Variants in FMO1 observed in about 807,000 individuals in gnomAD.
FMO1 encodes the protein flavin containing dimethylaniline monoxygenase 1.
A neutral mutation model predicts 45.4 loss-of-function variants in FMO1; 36 were observed. That is an observed-to-expected ratio of 0.79 (90% confidence interval 0.61 to 1.05). FMO1 has a LOEUF of 1.05. Ranked by LOEUF, FMO1 falls within the 50% of genes least tolerant of loss-of-function variation. The pLI is 0.00. For synonymous variants in FMO1, 228 were observed against 227.2 expected, an observed-to-expected ratio of 1.00 and a Z score of -0.03; for missense variants, 615 against 640.3, an observed-to-expected ratio of 0.96 and a Z score of 0.43.
chr1:171,275,234 A>T, intron 3 of FMO1, 112 bp from the exon 4 acceptor site: 1 of 795,950 alleles, frequency 1.3e-6, no homozygotes, highest in Non-Finnish European at 2.0e-6. Flanking sequence ...TATACTTATT[A>T]ATTATGTTTA....
Position 171,258,239 on chromosome 1 carries a change from C to A in FMO1, c.132+20C>A, listed in dbSNP as rs1446694890. 5 of 1,613,308 alleles carry A rather than the reference C, an allele frequency of 3.1e-6. No individual in the cohort carries two copies. Among genetic ancestry groups the A allele is most frequent in the Admixed American group, 3.3e-5 (2 of 59,976 alleles). On this transcript the variant is annotated intron_variant, in intron 2 of 8. Transcript: ENST00000617670. ...TTCACCGTAAGTGGGGTTTCAACAA[C>A]TTTATCTGTCTATTGGAGAATGGCT...
At chr1:171,278,923 C>G (rs972829378) in intron 5 of FMO1, 52 bp downstream of exon 5, 2 of 1,449,976 alleles carry the variant, frequency 1.4e-6, no homozygotes, top group South Asian at 1.5e-5. Context: ...ATGCATGCCT[C>G]AAGCAAATGG....
intron 1 of FMO1, among the ~76,000 whole-genome samples, chr1:171,253,616 C>A (rs1660003400): frequency 6.6e-6 from 1 of 152,028 alleles, no homozygotes; most frequent in Non-Finnish European, 1.5e-5. Context: ...ACAAAAGTAG[C>A]CAGACGTGGT....
rs758845943 is a variant in FMO1 at position 171,275,390 on chromosome 1, T to C, written c.366T>C (p.Ser122=). The C allele has an allele frequency of 1.2e-5, 19 of 1,613,938 alleles. No homozygotes were observed. The African/African-American group carries it at 2.5e-4, about 22-fold the overall frequency. ...CAAAATGCTCAGATTCTGCTGTCTC[T>C]GGCCAATGGGAGGTGGTCACTATGC... ...SVTKCSDSAV[S]GQWEVVTMHE... The change falls in exon 4 of 9, where the codon TCT becomes TCC. Residue 122 remains serine, a synonymous_variant. Transcript: ENST00000617670.
At chr1:171,253,607 C>G (rs1259230395) in intron 1 of FMO1, among the ~76,000 whole-genome samples, 1 of 152,000 alleles carries the variant, frequency 6.6e-6, no homozygotes, top group East Asian at 1.9e-4. Context: ...ACTAAAAATA[C>G]AAAAGTAGCC....
chr1:171,278,616 A>G, intron 4 of FMO1, 113 bp from the exon 5 acceptor site: 1 of 715,818 alleles, frequency 1.4e-6, no homozygotes, highest in Non-Finnish European at 2.3e-6. Context: ...TGAGAATACT[A>G]GTAAAAATGA....
At chr1:171,269,678 T>A (rs1222575454) in intron 3 of FMO1, among the ~76,000 whole-genome samples, 1 of 152,156 alleles carries the variant, frequency 6.6e-6, no homozygotes, top group Non-Finnish European at 1.5e-5. Flanking sequence ...AATTGCCAAA[T>A]TGTTCCCTAA....
Position 171,278,881 on chromosome 1 carries a change from T to G in FMO1, c.627+10T>G. The G allele has an allele frequency of 1.3e-6, 2 of 1,594,940 alleles. No individual in the cohort carries two copies. The highest frequency in any genetic ancestry group is 1.7e-6 in the Non-Finnish European group (2 of 1,168,802). Reference sequence around the variant, plus strand: ...CCACCTGGCGGAAAAGGTACATTCCTGATGTTACTGGGTGAAGAGCTTTAT... The same window carrying G: ...CCACCTGGCGGAAAAGGTACATTCCGGATGTTACTGGGTGAAGAGCTTTAT... On this transcript the variant is annotated intron_variant, in intron 5 of 8. Coordinates refer to ENST00000617670, the MANE Select transcript of FMO1 (RefSeq NM_001282693.2).
At chr1:171,267,162 C>T (rs1330527044) in intron 2 of FMO1, among the ~76,000 whole-genome samples, 1 of 152,234 alleles carries the variant, frequency 6.6e-6, no homozygotes, top group Non-Finnish European at 1.5e-5. Context: ...CCCCTTCCTT[C>T]CTTCCCAGCT....
chr1:171,268,041 A>C (rs1660691323), intron 3 of FMO1, among the ~76,000 whole-genome samples: 1 of 152,180 alleles, frequency 6.6e-6, no homozygotes, highest in Admixed American at 6.5e-5. Context: ...CCACATGGAC[A>C]CTGAGAACCA....
intron 3 of FMO1, among the ~76,000 whole-genome samples, chr1:171,274,205 T>TTGATTTTG (rs1157314953): frequency 6.6e-6 from 1 of 150,828 alleles, no homozygotes; most frequent in African/African-American, 2.4e-5. Flanking sequence ...TGATCTGTAG[T>TTGATTTTG]TGATTTTGTT....
intron 2 of FMO1, among the ~76,000 whole-genome samples, chr1:171,263,292 G>A (rs1472326361): frequency 6.6e-6 from 1 of 152,112 alleles, no homozygotes; most frequent in African/African-American, 2.4e-5. Context: ...TTCTCCTAGG[G>A]GCTATGTAAT....
At chr1:171,266,098 T>C (rs975303709) in intron 2 of FMO1, among the ~76,000 whole-genome samples, 10 of 152,336 alleles carry the variant, frequency 6.6e-5, no homozygotes, top group Admixed American at 6.5e-4. Flanking sequence ...CCAGATTTTA[T>C]GCACTTTTGG....
chr1:171,261,780 T>C (rs564187386), intron 2 of FMO1, among the ~76,000 whole-genome samples: 7 of 152,182 alleles, frequency 4.6e-5, no homozygotes, highest in Middle Eastern at 3.2e-3. Context: ...TTTCATTGGA[T>C]ACTCACAATG....
intron 5 of FMO1, among the ~76,000 whole-genome samples, chr1:171,280,007 G>A (rs766426904): frequency 3.9e-5 from 6 of 152,234 alleles, no homozygotes; most frequent in Non-Finnish European, 7.4e-5. Context: ...TATTCAGAAT[G>A]TAAGTAATAT....
chr1:171,284,480 G>C lies in FMO1; in HGVS notation c.1257-722G>C, dbSNP rs185579300. Among the ~76,000 whole-genome samples, 10 of 152,246 alleles carry C rather than the reference G, an allele frequency of 6.6e-5. No individual in the cohort carries two copies. In the East Asian group the frequency reaches 1.9e-3, roughly 29 times the overall value. ...GGGCCAGGTGCAGTGGATCATGCCT[G>C]TAATCCCAGCACTTTGGGAGGCTAA... On this transcript the variant is annotated intron_variant, in intron 8 of 8. Transcript: ENST00000617670.
chr1:171,256,822 A>T (rs1660180317), intron 1 of FMO1, among the ~76,000 whole-genome samples: 1 of 152,192 alleles, frequency 6.6e-6, no homozygotes, highest in Non-Finnish European at 1.5e-5. Context: ...AAAATAGCAA[A>T]TTTTTAGAAA....
intron 4 of FMO1, 78 bp downstream of exon 4, chr1:171,275,586 C>A: frequency 9.8e-7 from 1 of 1,021,178 alleles, no homozygotes; most frequent in Non-Finnish European, 1.4e-6. Context: ...GGAATGAATT[C>A]CTATGGCTGT....
At chr1:171,277,132 T>C (rs1661143027) in intron 4 of FMO1, among the ~76,000 whole-genome samples, 1 of 152,206 alleles carries the variant, frequency 6.6e-6, no homozygotes, top group Non-Finnish European at 1.5e-5. Flanking sequence ...AGCTCTAAAA[T>C]TCTGTGATTT....
Sources: gnomAD v4.1 joint callset for allele counts (sites outside exome capture counted in the v4.1 genomes callset) on GRCh38, gnomAD v4.1.1 for gene constraint, MANE v1.5 for transcripts, NCBI Gene and HGNC (gene_info 2026-07-23, HGNC 2026-07-21) for gene names.